Variants in HGD observed in about 807,000 individuals in gnomAD.
HGD encodes homogentisate oxidase.
Under a neutral mutation model 60.8 loss-of-function variants are expected in HGD, and 61 were observed. The observed-to-expected ratio is 1.00, with a 90% CI of 0.82 to 1.24. The LOEUF is 1.24. HGD is among the 50% of genes most tolerant of loss of function. The probability of loss-of-function intolerance (pLI) is 0.00; values close to 1 mark genes in which losing one functional copy is unlikely to be tolerated. For synonymous variants in HGD, 212 were observed against 187.7 expected (o/e 1.13, Z -1.06); for missense variants, 542 against 547.1 (o/e 0.99, Z 0.09).
rs1427895304 is a variant in HGD, at chr3:120,641,574, A to G, written c.879+15T>C. On this transcript the variant is annotated intron_variant, in intron 11 of 13. Transcript: ENST00000283871. Reference sequence around the variant, plus strand: ...CGTTGCCTCATCCCAAGGCCCCTACAGGGTTCAGACTTACTGCATGGTCAA... The same window carrying G: ...CGTTGCCTCATCCCAAGGCCCCTACGGGGTTCAGACTTACTGCATGGTCAA... 3.2e-6 allele frequency: 5 copies of G among 1,564,188 alleles called. No individual in the cohort carries two copies. In the African/African-American group the frequency reaches 5.4e-5, roughly 17 times the overall value.
chr3:120,642,400 C>A (rs1312137734), intron 10 of HGD, among the ~76,000 whole-genome samples: 1 of 152,156 alleles, frequency 6.6e-6, no homozygotes, highest in African/African-American at 2.4e-5. Context: ...CGGGAAGACA[C>A]TGCTATTCCT....
At chr3:120,650,955 A>G (rs902391476) in intron 5 of HGD, 90 bp from the exon 6 acceptor site, 1 of 969,846 alleles carries the variant, frequency 1.0e-6, no homozygotes, top group East Asian at 2.4e-5. Flanking sequence ...CATGAGGCAC[A>G]TTTCTACTAG....
intron 10 of HGD, among the ~76,000 whole-genome samples, chr3:120,643,492 C>CCAGAGAATAAGAGAGTTCTCTTATTCT (rs1459259327): frequency 6.6e-6 from 1 of 152,170 alleles, no homozygotes; most frequent in East Asian, 1.9e-4. Context: ...TTTTGAGAGA[C>CCAGAGAATAAGAGAGTTCTCTTATTCT]CTTGACCCAG....
chr3:120,650,792 T>C lies in HGD; in HGVS notation c.416A>G (p.Asn139Ser), dbSNP rs890724232. Reference protein sequence around the residue: ...NGLAIHIFLCNTSMENRCFYN... With the variant: ...NGLAIHIFLCSTSMENRCFYN... ...CACTTACCTGTTCTCCATGGAGGTA[T>C]TGCAGAGGAAAATGTGGATAGCAAG... Residue 139 changes from asparagine to serine, a missense_variant, in exon 6 of 14, where the codon AAT becomes AGT. By Grantham distance (46) the Asn-to-Ser change is conservative. This residue lies in a region of HGD where 537 missense variants were observed against 529.1 expected (regional missense o/e 1.01). Transcript: ENST00000283871. 3 of 1,613,598 alleles carry C rather than the reference T, an allele frequency of 1.9e-6. No homozygotes were observed. The highest frequency in any genetic ancestry group is 1.7e-5 in the Admixed American group (1 of 60,018).
At chr3:120,670,019 T>C (rs1707988638) in intron 4 of HGD, among the ~76,000 whole-genome samples, 1 of 152,172 alleles carries the variant, frequency 6.6e-6, no homozygotes, top group South Asian at 2.1e-4. Context: ...ATGGGGATGG[T>C]TACCCTCATG....
chr3:120,652,129 A>G (rs1941359939), intron 5 of HGD, among the ~76,000 whole-genome samples: 1 of 152,146 alleles, frequency 6.6e-6, no homozygotes, highest in Non-Finnish European at 1.5e-5. Context: ...ATGATTTAGC[A>G]CATTAACAAG....
At chr3:120,657,570 T>C (rs1016353584) in intron 4 of HGD, among the ~76,000 whole-genome samples, 2 of 152,188 alleles carry the variant, frequency 1.3e-5, no homozygotes, top group African/African-American at 4.8e-5. Flanking sequence ...TCCAAGAATT[T>C]TGAAGTAATT....
chr3:120,648,995 T>C (rs1941248724), intron 6 of HGD, among the ~76,000 whole-genome samples: 1 of 152,104 alleles, frequency 6.6e-6, no homozygotes, highest in South Asian at 2.1e-4. Context: ...GGGCTTCTCC[T>C]CTGATGGAAC....
chr3:120,671,206 T>C (rs1708018289), intron 3 of HGD, among the ~76,000 whole-genome samples: 1 of 152,172 alleles, frequency 6.6e-6, no homozygotes, highest in African/African-American at 2.4e-5. Flanking sequence ...AATTATCAGA[T>C]CATTTTAACT....
At chr3:120,651,026 T>C (rs1356208493) in intron 5 of HGD, among the ~76,000 whole-genome samples, 161 bp from the exon 6 acceptor site, 1 of 152,214 alleles carries the variant, frequency 6.6e-6, no homozygotes, top group Non-Finnish European at 1.5e-5. Flanking sequence ...GGAGCCTGAA[T>C]TTACTGACTC....
chr3:120,667,248 C>T (rs1165445241), intron 4 of HGD, among the ~76,000 whole-genome samples: 2 of 147,832 alleles, frequency 1.4e-5, no homozygotes, highest in Non-Finnish European at 3.0e-5. Flanking sequence ...ATCATCTGAG[C>T]CTGGGAAGTC....
intron 1 of HGD, among the ~76,000 whole-genome samples, chr3:120,676,132 G>C (rs144541606): frequency 6.6e-6 from 1 of 152,160 alleles, no homozygotes; most frequent in Non-Finnish European, 1.5e-5. Flanking sequence ...TGATTTGTGG[G>C]TCTACACTGT....
intron 4 of HGD, among the ~76,000 whole-genome samples, chr3:120,661,509 C>A (rs560809741): frequency 2.0e-5 from 3 of 152,234 alleles, no homozygotes; most frequent in Middle Eastern, 3.4e-3. Context: ...ATGTGAAAAC[C>A]TCATGATAGA....
intron 10 of HGD, among the ~76,000 whole-genome samples, chr3:120,642,111 A>C (rs745368989): frequency 6.6e-6 from 1 of 152,190 alleles, no homozygotes; most frequent in South Asian, 2.1e-4. Context: ...AGGAGCTTGC[A>C]ATAGACACAG....
intron 1 of HGD, among the ~76,000 whole-genome samples, chr3:120,680,240 C>T (rs544548692): frequency 7.9e-5 from 12 of 152,216 alleles, no homozygotes; most frequent in East Asian, 3.9e-4. Context: ...ATTTCATTTA[C>T]GGCTTTGTGT....
At chr3:120,654,348 C>A (rs1398852126) in intron 4 of HGD, among the ~76,000 whole-genome samples, 1 of 152,268 alleles carries the variant, frequency 6.6e-6, no homozygotes, top group Non-Finnish European at 1.5e-5. Flanking sequence ...GAGACCAAGA[C>A]CAAATTAAAT....
intron 4 of HGD, among the ~76,000 whole-genome samples, chr3:120,659,293 T>C (rs1941590423): frequency 6.6e-6 from 1 of 152,236 alleles, no homozygotes; most frequent in African/African-American, 2.4e-5. Context: ...AGGTCATTTA[T>C]TTGCTCATGC....
chr3:120,680,401 C>G (rs977477886), intron 1 of HGD, among the ~76,000 whole-genome samples: 34 of 152,166 alleles, frequency 2.2e-4, no homozygotes, highest in African/African-American at 8.2e-4. Context: ...AAAGATTAGA[C>G]AGCAGGCAGG....
chr3:120,636,204 T>C (rs1940772409), intron 12 of HGD, among the ~76,000 whole-genome samples: 1 of 147,018 alleles, frequency 6.8e-6, no homozygotes, highest in Admixed American at 6.8e-5. Flanking sequence ...CACTTGAGCC[T>C]GGGGGGTGGA....
Sources: gnomAD v4.1 joint callset for allele counts (sites outside exome capture counted in the v4.1 genomes callset) on GRCh38, gnomAD v4.1.1 for gene constraint, gnomAD v4.1.1 regional missense constraint, MANE v1.5 for transcripts, NCBI Gene and HGNC (gene_info 2026-07-23, HGNC 2026-07-21) for gene names.